AGAP1: variants seen among roughly 807,000 people sequenced by gnomAD.
The protein encoded by AGAP1 is arf-GAP with GTPase, ANK repeat and PH domain-containing protein 1.
Under a neutral mutation model 105.3 loss-of-function variants are expected in AGAP1, and 29 were observed. That is an observed-to-expected ratio of 0.28 (90% CI 0.21 to 0.38). AGAP1 has a LOEUF of 0.38. AGAP1 is among the 10% of genes least tolerant of loss of function. The pLI is 1.00. For synonymous variants in AGAP1, 509 were observed against 485.9 expected (o/e 1.05, Z -0.63); for missense variants, 998 against 1,165.1 (o/e 0.86, Z 2.09).
intron 16 of AGAP1, among the ~76,000 whole-genome samples, chr2:236,067,437 G>A (rs186035205): frequency 8.5e-5 from 13 of 152,122 alleles, no homozygotes; most frequent in South Asian, 4.2e-4. Context: ...CAGAAACATC[G>A]TTAAAAATTA....
chr2:235,585,215 AC>A (rs1379395790), intron 1 of AGAP1, among the ~76,000 whole-genome samples: 1 of 152,278 alleles, frequency 6.6e-6, no homozygotes, highest in East Asian at 1.9e-4. Flanking sequence ...AATGGGTCTT[AC>A]GGGCCTAAAA....
rs1943974171 is a variant in AGAP1, at chr2:235,556,383, A to G, written c.163+61534A>G. On this transcript the variant is annotated intron_variant, in intron 1 of 17. Transcript: ENST00000304032. The surrounding 1 kb of genome is among the most constrained non-coding windows in gnomAD (Gnocchi z 5.3). Reference sequence around the variant, plus strand: ...TGGCTACAGAAGAGAGAGGAGGGACACTGACCCCAAGGCCCAGGCCAGTCT... The same window carrying G: ...TGGCTACAGAAGAGAGAGGAGGGACGCTGACCCCAAGGCCCAGGCCAGTCT... Among the ~76,000 whole-genome samples the G allele has an allele frequency of 6.6e-6, 1 of 152,224 alleles. No homozygotes were observed. Among genetic ancestry groups the G allele is most frequent in the African/African-American group, 2.4e-5 (1 of 41,466 alleles).
chr2:236,067,722 C>T (rs1434003488), intron 16 of AGAP1, among the ~76,000 whole-genome samples: 1 of 152,214 alleles, frequency 6.6e-6, no homozygotes, highest in African/African-American at 2.4e-5. Context: ...GGGAAGAAAC[C>T]TCATCTCTTA....
rs2058802056 is a variant in AGAP1 at position 236,082,150 on chromosome 2, T to G, written c.2114+32869T>G. Among the ~76,000 whole-genome samples the G allele has an allele frequency of 6.6e-6, 1 of 152,256 alleles. No individual in the cohort carries two copies. The highest frequency in any genetic ancestry group is 2.4e-5 in the African/African-American group (1 of 41,476). On this transcript the variant is annotated intron_variant, in intron 16 of 17. Transcript: ENST00000304032. This position sits in a 1 kb window ranked among gnomAD's most constrained non-coding sequence, Gnocchi z 4.2. ...ATCACATTTGCTAGATGTCCATTTC[T>G]GTAAGTTTTCCCTCTAGAACAAACC...
At position 235,705,101 on chromosome 2, in the gene AGAP1, C is replaced by T. The variant is rs1401830839; in HGVS notation, c.164-4078C>T. On this transcript the variant is annotated intron_variant, in intron 1 of 17. Transcript: ENST00000304032. The surrounding 1 kb of genome is among the most constrained non-coding windows in gnomAD (Gnocchi z 4.9). Reference sequence around the variant, plus strand: ...TCAAGCACTTCTCCTGCCTCAGCCTCCCGAGCAGCTGGGATTACAATCATG... The same window carrying T: ...TCAAGCACTTCTCCTGCCTCAGCCTTCCGAGCAGCTGGGATTACAATCATG... Among the ~76,000 whole-genome samples the T allele has an allele frequency of 6.6e-6, 1 of 151,238 alleles. No homozygotes were observed. The highest frequency in any genetic ancestry group is 1.5e-5 in the Non-Finnish European group (1 of 67,918).
chr2:235,550,685 G>A lies in AGAP1; in HGVS notation c.163+55836G>A, dbSNP rs995043022. ...CCACACCTGAGGCGTGGGGATCTCCGGGCATGATGCGGAATGTAGTGACGA... is the reference window on the plus strand; with the variant it reads ...CCACACCTGAGGCGTGGGGATCTCCAGGCATGATGCGGAATGTAGTGACGA... On this transcript the variant is annotated intron_variant, in intron 1 of 17. Coordinates refer to ENST00000304032, the MANE Select transcript of AGAP1 (RefSeq NM_001037131.3). The surrounding 1 kb of genome is among the most constrained non-coding windows in gnomAD (Gnocchi z 4.6). Among the ~76,000 whole-genome samples the A allele has an allele frequency of 6.6e-5, 10 of 152,212 alleles. No homozygotes were observed. The highest frequency in any genetic ancestry group is 3.3e-4 in the Admixed American group (5 of 15,284).
intron 16 of AGAP1, among the ~76,000 whole-genome samples, chr2:236,112,889 TC>T (rs1163249218): frequency 2.6e-5 from 4 of 151,240 alleles, no homozygotes; most frequent in Non-Finnish European, 5.9e-5. Context: ...CCCCCCTGCT[TC>T]CGCTCTGCAG....
At chr2:235,876,040 A>G (rs965558517) in intron 9 of AGAP1, among the ~76,000 whole-genome samples, 1 of 152,208 alleles carries the variant, frequency 6.6e-6, no homozygotes, top group East Asian at 1.9e-4. Context: ...TCTCCTTGCT[A>G]TAATTAGATG....
rs1388994884 is a variant in AGAP1 at position 235,741,822 on chromosome 2, C to T, written c.396+774C>T. ...AGGCTGGAGTGCAGTGACGTGATCTCGGCTCACTACAAGCTCCACCTCCCA... is the reference window on the plus strand; with the variant it reads ...AGGCTGGAGTGCAGTGACGTGATCTTGGCTCACTACAAGCTCCACCTCCCA... On this transcript the variant is annotated intron_variant, in intron 4 of 17. Transcript: ENST00000304032. This position sits in a 1 kb window ranked among gnomAD's most constrained non-coding sequence, Gnocchi z 4.9. Among the ~76,000 whole-genome samples, 5 of 151,052 alleles carry T rather than the reference C, an allele frequency of 3.3e-5. No individual in the cohort carries two copies. The highest frequency in any genetic ancestry group is 2.0e-4 in the Admixed American group (3 of 15,126).
rs1209792747 is a variant in AGAP1 at position 236,113,302 on chromosome 2, G to A, written c.2115-6890G>A. ...ATTACAGGCATCCGCCACCATGCCC[G>A]GCTAATTTTTGTATTTTTAGTAGAG... On this transcript the variant is annotated intron_variant, in intron 16 of 17. Coordinates refer to ENST00000304032, the MANE Select transcript of AGAP1 (RefSeq NM_001037131.3). The surrounding 1 kb of genome is among the most constrained non-coding windows in gnomAD (Gnocchi z 4.3). 2.6e-5 allele frequency among the ~76,000 whole-genome samples: 4 copies of A among 152,230 alleles called. No homozygotes were observed. Among genetic ancestry groups the A allele is most frequent in the South Asian group, 2.1e-4 (1 of 4,806 alleles).
chr2:235,572,326 T>C (rs2149165244), intron 1 of AGAP1, among the ~76,000 whole-genome samples: 1 of 151,966 alleles, frequency 6.6e-6, no homozygotes, highest in South Asian at 2.1e-4. Flanking sequence ...GGTATTTGAG[T>C]GCATTTGGCA....
intron 14 of AGAP1, among the ~76,000 whole-genome samples, chr2:236,039,814 AAGAAC>A (rs2057492638): frequency 6.6e-6 from 1 of 152,254 alleles, no homozygotes. Context: ...AACAGGCTAA[AAGAAC>A]AGACATCAAA....
chr2:235,654,824 C>T (rs1271536672), intron 1 of AGAP1, among the ~76,000 whole-genome samples: 2 of 152,058 alleles, frequency 1.3e-5, no homozygotes, highest in African/African-American at 4.8e-5. Context: ...GGCAAGTGGT[C>T]TCAAGAAAAT....
chr2:235,851,015 G>T (rs1200943880), intron 9 of AGAP1, among the ~76,000 whole-genome samples: 1 of 152,212 alleles, frequency 6.6e-6, no homozygotes, highest in Non-Finnish European at 1.5e-5. Flanking sequence ...CCTACAGAGG[G>T]GGCTCCCAGG....
chr2:235,968,833 G>A (rs1254331329), intron 13 of AGAP1, among the ~76,000 whole-genome samples: 2 of 152,128 alleles, frequency 1.3e-5, no homozygotes, highest in East Asian at 1.9e-4. Flanking sequence ...CAAATCTGCT[G>A]TCATCACTCT....
intron 1 of AGAP1, among the ~76,000 whole-genome samples, chr2:235,624,524 C>G (rs1025581845): frequency 3.3e-5 from 5 of 152,166 alleles, no homozygotes; most frequent in South Asian, 2.1e-4. Context: ...CTAGAATATT[C>G]CATTTAGAAC....
At chr2:235,868,326 T>A (rs2049279054) in intron 9 of AGAP1, among the ~76,000 whole-genome samples, 1 of 152,188 alleles carries the variant, frequency 6.6e-6, no homozygotes, top group Admixed American at 6.5e-5. Flanking sequence ...ATTCATTTGA[T>A]CTCATTGCGA....
Position 236,128,524 on chromosome 2 carries a change from C to G in AGAP1, c.*4402C>G, listed in dbSNP as rs993328095. 4 of 152,356 alleles carry G rather than the reference C, an allele frequency of 2.6e-5. No homozygotes were observed. Among genetic ancestry groups the G allele is most frequent in the African/African-American group, 9.7e-5 (4 of 41,424 alleles). The allele number at this position is 152,356 out of a possible 1,614,324, so 9.4% of individuals were successfully genotyped here. A position where few individuals can be genotyped will look rare whatever the true frequency, so the allele number is the denominator to read the frequency against. The stretch of plus-strand genomic sequence containing the variant: ...TTGGCTGCAGGCCCGTCCCTCTCTC[C>G]CCATCCTCGGGTTCCCAGCGTGTTT... On this transcript the variant is annotated 3_prime_UTR_variant, in exon 18 of 18. Transcript: ENST00000304032. The surrounding 1 kb of genome is among the most constrained non-coding windows in gnomAD (Gnocchi z 5.9).
rs945601324 is a variant in AGAP1, at chr2:235,793,785, A to G, written c.674-3974A>G. Among the ~76,000 whole-genome samples the G allele has an allele frequency of 2.0e-5, 3 of 152,184 alleles. No individual in the cohort carries two copies. Among genetic ancestry groups the G allele is most frequent in the South Asian group, 4.1e-4 (2 of 4,824 alleles). On this transcript the variant is annotated intron_variant, in intron 6 of 17. Coordinates refer to ENST00000304032, the MANE Select transcript of AGAP1 (RefSeq NM_001037131.3). The surrounding 1 kb of genome is among the most constrained non-coding windows in gnomAD (Gnocchi z 5.3). ...TGTGATTTAGAAACAAGATGGAAGT[A>G]GAAATTGGGCATTATGTCAGGATTT...
Sources: allele counts gnomAD v4.1 joint callset (sites outside exome capture counted in the v4.1 genomes callset), GRCh38; gene constraint gnomAD v4.1.1; non-coding constraint Gnocchi (gnomAD v3.1); transcripts MANE v1.5; gene names NCBI Gene and HGNC (gene_info 2026-07-23, HGNC 2026-07-21).